DLGAP1: variants seen among roughly 807,000 people sequenced by gnomAD.
DLGAP1 encodes disks large-associated protein 1.
A neutral mutation model predicts 90.8 loss-of-function variants in DLGAP1; 11 were observed. The observed-to-expected ratio is 0.12, with a 90% CI of 0.08 to 0.20. DLGAP1 has a LOEUF of 0.20. Ranked by LOEUF, DLGAP1 falls within the 10% of genes least tolerant of loss-of-function variation. The pLI, the probability that DLGAP1 is intolerant of heterozygous loss-of-function variation, is 1.00. For missense variants in DLGAP1, 1,050 were observed against 1,333.8 expected (o/e 0.79, Z 3.31); for synonymous variants, 558 against 540.7 (o/e 1.03, Z -0.44).
chr18:3,806,160 T>C (rs1482367737), intron 5 of DLGAP1, among the ~76,000 whole-genome samples: 1 of 152,178 alleles, frequency 6.6e-6, no homozygotes, highest in African/African-American at 2.4e-5. Context: ...TAATAAATGA[T>C]ACAGCAAAAG....
chr18:3,627,958 A>G (rs959128759), intron 7 of DLGAP1, among the ~76,000 whole-genome samples: 1 of 134,866 alleles, frequency 7.4e-6, no homozygotes, highest in Non-Finnish European at 1.5e-5. Flanking sequence ...GCTCACTGCA[A>G]CCTCCCACCT....
At chr18:4,156,022 C>A (rs914872465) in intron 1 of DLGAP1, among the ~76,000 whole-genome samples, 1 of 152,072 alleles carries the variant, frequency 6.6e-6, no homozygotes, top group African/African-American at 2.4e-5. Flanking sequence ...GTTGACAGGA[C>A]CTTTTGATGG....
chr18:4,379,666 C>T (rs2082078584), intron 1 of DLGAP1, among the ~76,000 whole-genome samples: 1 of 152,052 alleles, frequency 6.6e-6, no homozygotes, highest in South Asian at 2.1e-4. Flanking sequence ...AGACTGAAAC[C>T]CTCCTTAGGG....
At chr18:4,251,065 A>G (rs1026707240) in intron 1 of DLGAP1, among the ~76,000 whole-genome samples, 1 of 152,204 alleles carries the variant, frequency 6.6e-6, no homozygotes, top group Non-Finnish European at 1.5e-5. Context: ...GGAGTATTAG[A>G]GAATTGAAAA....
At position 3,557,436 on chromosome 18, in the gene DLGAP1, C is replaced by T. The variant is rs150724206; in HGVS notation, c.2057+10054G>A. On this transcript the variant is annotated intron_variant, in intron 9 of 12. Transcript: ENST00000315677. ...ACTCGGGAGACTGAGGCAGGAGAAT[C>T]GCTTGAACTTGGGAGGCGGAGGTTG... Among the ~76,000 whole-genome samples the T allele has an allele frequency of 8.1e-3, 1,238 of 152,158 alleles. 18 individuals are homozygous for T. Among genetic ancestry groups the T allele is most frequent in the African/African-American group, 0.028 (1,169 of 41,514 alleles).
intron 2 of DLGAP1, among the ~76,000 whole-genome samples, chr18:4,143,490 C>T (rs1568418919): frequency 6.6e-6 from 1 of 151,644 alleles, no homozygotes; most frequent in South Asian, 2.1e-4. Context: ...TGCTGCCAGG[C>T]CTGGGACTCA....
chr18:4,013,370 CCAGGT>C (rs2074463769), intron 2 of DLGAP1, among the ~76,000 whole-genome samples: 1 of 152,116 alleles, frequency 6.6e-6, no homozygotes, highest in Non-Finnish European at 1.5e-5. Flanking sequence ...TGATCTGTGC[CCAGGT>C]CCACACAGTT....
intron 1 of DLGAP1, among the ~76,000 whole-genome samples, chr18:4,192,540 T>A (rs188888851): frequency 1.3e-3 from 198 of 152,302 alleles, no homozygotes; most frequent in Non-Finnish European, 2.0e-3. Flanking sequence ...CTCCGAAAGG[T>A]ATGCCGCCAA....
At position 3,769,855 on chromosome 18, in the gene DLGAP1, G is replaced by T. The variant is rs2064437674; in HGVS notation, c.1173-27343C>A. On this transcript the variant is annotated intron_variant, in intron 5 of 12. Coordinates refer to ENST00000315677, the MANE Select transcript of DLGAP1 (RefSeq NM_004746.4). ...AAATGTTACCACGGTGGGTGGGGGG[G>T]GAAAACTGGGTATAAGGTGCATGAG... 2.6e-5 allele frequency among the ~76,000 whole-genome samples: 4 copies of T among 151,418 alleles called. No homozygotes were observed. The South Asian group carries it at 8.3e-4, about 32-fold the overall frequency.
intron 10 of DLGAP1, among the ~76,000 whole-genome samples, chr18:3,511,144 TG>T (rs1360823157): frequency 6.6e-6 from 1 of 152,184 alleles, no homozygotes; most frequent in Non-Finnish European, 1.5e-5. Flanking sequence ...GATGACTGCT[TG>T]GGCCTAGAAT....
intron 1 of DLGAP1, among the ~76,000 whole-genome samples, chr18:4,432,057 T>C (rs1406140636): frequency 6.6e-6 from 1 of 152,224 alleles, no homozygotes; most frequent in Non-Finnish European, 1.5e-5. Context: ...TTTTAACTCA[T>C]GTGGTGGTGT....
At chr18:3,923,366 CAT>C (rs139002972) in intron 3 of DLGAP1, among the ~76,000 whole-genome samples, 4,210 of 152,092 alleles carry the variant, frequency 0.028, 82 homozygotes, top group Non-Finnish European at 0.041. Context: ...CAACTTTTCA[CAT>C]GTTTATTTGC....
At chr18:3,656,158 C>A (rs1184347227) in intron 7 of DLGAP1, 2 of 1,524,416 alleles carry the variant, frequency 1.3e-6, no homozygotes, top group East Asian at 2.5e-5. Context: ...GGACCCAAAT[C>A]GCCTTTTCCA....
At chr18:4,041,054 A>G (rs2074966745) in intron 2 of DLGAP1, among the ~76,000 whole-genome samples, 1 of 152,202 alleles carries the variant, frequency 6.6e-6, no homozygotes, top group Non-Finnish European at 1.5e-5. Flanking sequence ...AGGGTGAAGC[A>G]ATAGCAGCAG....
At chr18:4,152,864 GCT>G (rs1458303104) in intron 1 of DLGAP1, among the ~76,000 whole-genome samples, 2 of 152,292 alleles carry the variant, frequency 1.3e-5, no homozygotes, top group East Asian at 3.9e-4. Context: ...AACCAGACAA[GCT>G]CTGAGTGGAC....
chr18:3,912,660 G>A (rs1486682470), intron 3 of DLGAP1, among the ~76,000 whole-genome samples: 1 of 152,188 alleles, frequency 6.6e-6, no homozygotes, highest in Non-Finnish European at 1.5e-5. Flanking sequence ...AACCAGGGAG[G>A]TGATAGGGGC....
At chr18:4,267,600 C>T (rs1313353940) in intron 1 of DLGAP1, among the ~76,000 whole-genome samples, 7 of 152,212 alleles carry the variant, frequency 4.6e-5, no homozygotes, top group Non-Finnish European at 1.0e-4. Flanking sequence ...TACAAAATTA[C>T]TCCAAAACTT....
chr18:4,297,514 A>T (rs191080873), intron 1 of DLGAP1, among the ~76,000 whole-genome samples: 2 of 152,322 alleles, frequency 1.3e-5, no homozygotes, highest in East Asian at 1.9e-4. Context: ...GTTGGGAAAC[A>T]ATTGTCCCTG....
chr18:4,253,295 G>GTTCTTT (rs2078821426), intron 1 of DLGAP1, among the ~76,000 whole-genome samples: 1 of 152,176 alleles, frequency 6.6e-6, no homozygotes, highest in African/African-American at 2.4e-5. Flanking sequence ...AGAATAAGCA[G>GTTCTTT]TGGGGTTATG....
Sources: gnomAD v4.1 joint callset for allele counts (sites outside exome capture counted in the v4.1 genomes callset) on GRCh38, gnomAD v4.1.1 for gene constraint, MANE v1.5 for transcripts, NCBI Gene and HGNC (gene_info 2026-07-23, HGNC 2026-07-21) for gene names.